PIK3R3: variants seen among roughly 807,000 people sequenced by gnomAD.
PIK3R3 encodes the protein phosphoinositide-3-kinase regulatory subunit 3.
In PIK3R3, 64 loss-of-function variants were observed where a neutral mutation model predicts 62.9. The observed-to-expected ratio is 1.02, with a 90% confidence interval of 0.83 to 1.25. PIK3R3 has a LOEUF of 1.25. Ranked by LOEUF, PIK3R3 falls within the 50% of genes most tolerant of loss-of-function variation. The pLI, the probability that PIK3R3 is intolerant of heterozygous loss-of-function variation, is 0.00. For missense variants in PIK3R3, 614 were observed against 561.6 expected, an observed-to-expected ratio of 1.09 and a Z score of -0.94; for synonymous variants, 165 against 189.0, an observed-to-expected ratio of 0.87 and a Z score of 1.04.
rs561929813 is a variant in PIK3R3 at position 46,042,949 on chromosome 1, G to A, written c.*724C>T. The A allele has an allele frequency of 4.7e-6, 1 of 211,652 alleles. No individual in the cohort carries two copies. The highest frequency in any genetic ancestry group is 9.6e-6 in the Non-Finnish European group (1 of 104,102). 13.1% of individuals were successfully genotyped at this position (211,652 alleles called of 1,614,324 possible). On this transcript the variant is annotated 3_prime_UTR_variant, in exon 10 of 10. Transcript: ENST00000262741. This position sits in a 1 kb window ranked among gnomAD's most constrained non-coding sequence, Gnocchi z 4.3. ...CTTTTTATGTTCAAGTTTTGGTACA[G>A]AAGTATACATTCAACTATGAGTGCC... is the stretch of plus-strand genomic sequence containing the variant.
At chr1:46,078,165 A>G (rs1650242034) in intron 2 of PIK3R3, among the ~76,000 whole-genome samples, 1 of 152,224 alleles carries the variant, frequency 6.6e-6, no homozygotes, top group African/African-American at 2.4e-5. Flanking sequence ...CCCTTGAATC[A>G]TATCAGAACC....
intron 1 of PIK3R3, among the ~76,000 whole-genome samples, chr1:46,087,740 C>T (rs1651226344): frequency 6.6e-6 from 1 of 152,072 alleles, no homozygotes; most frequent in East Asian, 1.9e-4. Flanking sequence ...GGCAGGTATT[C>T]ATCACCTTAT....
chr1:46,123,721 T>C (rs1654862433), intron 1 of PIK3R3, among the ~76,000 whole-genome samples: 1 of 152,220 alleles, frequency 6.6e-6, no homozygotes, highest in Non-Finnish European at 1.5e-5. Flanking sequence ...TAAACCTAAG[T>C]CTCAGTTTCC....
the PIK3R3 span, among the ~76,000 whole-genome samples, chr1:46,159,277 T>C: frequency 6.6e-6 from 1 of 152,146 alleles, no homozygotes; most frequent in African/African-American, 2.4e-5. Context: ...ATAAATTCCA[T>C]GGTCACACAG....
chr1:46,074,270 C>T (rs112545685), intron 3 of PIK3R3, among the ~76,000 whole-genome samples: 24,631 of 111,002 alleles, frequency 0.22, 2,910 homozygotes, highest in Middle Eastern at 0.33. Flanking sequence ...GCCTGGGCGA[C>T]AGAGCTAGAC....
intron 5 of PIK3R3, among the ~76,000 whole-genome samples, chr1:46,065,657 T>A (rs1357276087): frequency 6.6e-6 from 1 of 152,224 alleles, no homozygotes; most frequent in Non-Finnish European, 1.5e-5. Context: ...CTATTCTTAC[T>A]TCCTGTTTAC....
intron 3 of PIK3R3, among the ~76,000 whole-genome samples, chr1:46,075,619 G>GT (rs965302680): frequency 7.1e-6 from 1 of 141,104 alleles, no homozygotes; most frequent in Non-Finnish European, 1.6e-5. Flanking sequence ...AATAACCTGT[G>GT]TTAAAAAAAA....
the PIK3R3 span, among the ~76,000 whole-genome samples, chr1:46,153,850 TG>T: frequency 6.6e-6 from 1 of 152,172 alleles, no homozygotes; most frequent in East Asian, 1.9e-4. Flanking sequence ...GCTTAACTAG[TG>T]GAATACTATG....
At chr1:46,172,082 A>G in the PIK3R3 span, among the ~76,000 whole-genome samples, 3 of 152,082 alleles carry the variant, frequency 2.0e-5, no homozygotes, top group Non-Finnish European at 4.4e-5. Flanking sequence ...ATGAACCCTC[A>G]GGCCATCATC....
the PIK3R3 span, among the ~76,000 whole-genome samples, chr1:46,166,910 G>C: frequency 6.6e-6 from 1 of 152,184 alleles, no homozygotes; most frequent in Non-Finnish European, 1.5e-5. Context: ...CTCAGACCTC[G>C]AGACCAGGGT....
At chr1:46,126,864 A>C (rs1339214849) in intron 1 of PIK3R3, among the ~76,000 whole-genome samples, 1 of 152,160 alleles carries the variant, frequency 6.6e-6, no homozygotes, top group African/African-American at 2.4e-5. Context: ...ACAAATATCA[A>C]TAGATATAAT....
At chr1:46,123,215 C>T (rs1320481705) in intron 1 of PIK3R3, among the ~76,000 whole-genome samples, 1 of 151,850 alleles carries the variant, frequency 6.6e-6, no homozygotes, top group African/African-American at 2.4e-5. Flanking sequence ...CAGAGACAGC[C>T]CTACATATAA....
At position 46,071,742 on chromosome 1, in the gene PIK3R3, G is replaced by T. The variant is rs1216275446; in HGVS notation, c.315-4651C>A. On this transcript the variant is annotated intron_variant, in intron 3 of 9. Transcript: ENST00000262741. ...ATATATATATATATAGAGAGAGAGA[G>T]AGAGAGAGAGAGAGAGAGCGCGCGC... Among the ~76,000 whole-genome samples the T allele has an allele frequency of 1.8e-4, 20 of 112,836 alleles. 1 individual carries two copies. The highest frequency in any genetic ancestry group is 8.5e-4 in the South Asian group (3 of 3,536). The allele number at this position is 112,836 out of a possible 152,430, so 74.0% of individuals were successfully genotyped here.
rs761165056 is a variant in PIK3R3 at position 46,043,755 on chromosome 1, G to C, written c.1304C>G (p.Thr435Arg). 1 of 1,614,204 alleles carries C rather than the reference G, an allele frequency of 6.2e-7. No individual in the cohort carries two copies. The highest frequency in any genetic ancestry group is 8.5e-7 in the Non-Finnish European group (1 of 1,180,008). The change falls in exon 10 of 10, where the codon ACA (threonine) becomes AGA (arginine). Residue 435 changes from threonine (T) to arginine (R), a missense_variant. By Grantham distance (71) the Thr-to-Arg change is moderately conservative (BLOSUM62 -1). Coordinates refer to ENST00000262741, the MANE Select transcript of PIK3R3 (RefSeq NM_003629.4). Reference sequence around the variant, plus strand: ...GGAGTCGTTGTGCTGAACCAAGGATGTCTGCTGGTAATGGAGCACTAGCTC... The same window carrying C: ...GGAGTCGTTGTGCTGAACCAAGGATCTCTGCTGGTAATGGAGCACTAGCTC... ...LKELVLHYQQ[T>R]SLVQHNDSLN... is the part of the protein sequence containing the mutation.
At chr1:46,090,612 C>T (rs903106219) in intron 1 of PIK3R3, among the ~76,000 whole-genome samples, 5 of 151,812 alleles carry the variant, frequency 3.3e-5, no homozygotes, top group Non-Finnish European at 7.4e-5. Flanking sequence ...GGATTACAGG[C>T]GTGAGCCACC....
intron 6 of PIK3R3, 137 bp downstream of exon 6, chr1:46,061,792 C>T (rs1472684133): frequency 1.3e-6 from 1 of 771,998 alleles, no homozygotes; most frequent in East Asian, 2.6e-5. Flanking sequence ...AATTTGGTGC[C>T]ATTAGTGGAA....
chr1:46,140,281 C>T, the PIK3R3 span, among the ~76,000 whole-genome samples: 1 of 152,194 alleles, frequency 6.6e-6, no homozygotes, highest in East Asian at 1.9e-4. Flanking sequence ...GCATGAGCCA[C>T]CACACCGTGT....
intron 3 of PIK3R3, among the ~76,000 whole-genome samples, chr1:46,074,278 G>T: frequency 1.1e-5 from 1 of 94,076 alleles, no homozygotes; most frequent in African/African-American, 4.3e-5. Flanking sequence ...GACAGAGCTA[G>T]ACTCCGTCAA....
intron 7 of PIK3R3, among the ~76,000 whole-genome samples, chr1:46,053,097 T>C (rs2149381673): frequency 1.3e-5 from 2 of 152,306 alleles, no homozygotes; most frequent in South Asian, 4.1e-4. Context: ...CATCAAAGCA[T>C]GGACCATGGG....
Sources: allele counts gnomAD v4.1 joint callset (sites outside exome capture counted in the v4.1 genomes callset), GRCh38; gene constraint gnomAD v4.1.1; non-coding constraint Gnocchi (gnomAD v3.1); transcripts MANE v1.5; gene names NCBI Gene and HGNC (gene_info 2026-07-23, HGNC 2026-07-21).